The following SEMA3A variants were observed in gnomAD, a reference collection of about 807,000 sequenced individuals.
The protein encoded by SEMA3A is semaphorin 3A.
SEMA3A carries 29 observed loss-of-function variants against 97.9 expected under a neutral mutation model. That is an observed-to-expected ratio of 0.30 (90% CI 0.22 to 0.40). The LOEUF is 0.40. Among genes scored for constraint, SEMA3A ranks in the 10% least tolerant of loss-of-function variants. The pLI, the probability that SEMA3A is intolerant of heterozygous loss-of-function variation, is 1.00. For synonymous variants in SEMA3A, 321 were observed against 323.7 expected, an observed-to-expected ratio of 0.99 and a Z score of 0.09; for missense variants, 763 against 951.3, an observed-to-expected ratio of 0.80 and a Z score of 2.60.
At chr7:84,364,470 T>C (rs1802799145) in intron 2 of SEMA3A, among the ~76,000 whole-genome samples, 1 of 151,788 alleles carries the variant, frequency 6.6e-6, no homozygotes, top group African/African-American at 2.4e-5. Flanking sequence ...GCTGTATTTA[T>C]TTATTTTTTT....
chr7:84,466,685 C>G (rs988383368), intron 1 of SEMA3A, among the ~76,000 whole-genome samples: 22 of 152,128 alleles, frequency 1.4e-4, no homozygotes, highest in African/African-American at 5.1e-4. Context: ...CTCCCATATG[C>G]CTGCACAGGC....
intron 4 of SEMA3A, among the ~76,000 whole-genome samples, chr7:84,085,578 A>G (rs1463604004): frequency 1.3e-5 from 2 of 152,046 alleles, no homozygotes; most frequent in Non-Finnish European, 2.9e-5. Flanking sequence ...TAAAATGTTT[A>G]TTTTTTTGCA....
intron 1 of SEMA3A, among the ~76,000 whole-genome samples, chr7:84,413,913 C>G (rs1201872098): frequency 2.0e-5 from 3 of 151,894 alleles, no homozygotes; most frequent in African/African-American, 7.3e-5. Flanking sequence ...TCAATTAATC[C>G]TCAAAGCAGT....
intron 1 of SEMA3A, among the ~76,000 whole-genome samples, chr7:84,451,448 G>A (rs1805551360): frequency 6.6e-6 from 1 of 152,082 alleles, no homozygotes; most frequent in Admixed American, 6.5e-5. Flanking sequence ...GATTAAAGAT[G>A]TTTATAGCCC....
At chr7:83,997,777 T>C (rs1639559) in intron 12 of SEMA3A, among the ~76,000 whole-genome samples, 116,961 of 150,546 alleles carry the variant, frequency 0.78, 45,624 homozygotes, top group East Asian at 0.89. Context: ...GTCTCCATCA[T>C]CAGGGCTGGA....
At chr7:84,231,601 A>G (rs1799117814) in intron 3 of SEMA3A, among the ~76,000 whole-genome samples, 1 of 152,022 alleles carries the variant, frequency 6.6e-6, no homozygotes, top group African/African-American at 2.4e-5. Context: ...CAGTTAAAAT[A>G]GAGCACCAGA....
chr7:84,044,536 G>C (rs1792272154), intron 6 of SEMA3A, among the ~76,000 whole-genome samples: 2 of 152,030 alleles, frequency 1.3e-5, no homozygotes, highest in Non-Finnish European at 2.9e-5. Flanking sequence ...GAAGCTAAGA[G>C]AAGAGATTGA....
chr7:84,256,004 T>G (rs1172001637), intron 3 of SEMA3A, among the ~76,000 whole-genome samples: 1 of 152,054 alleles, frequency 6.6e-6, no homozygotes, highest in Non-Finnish European at 1.5e-5. Context: ...CATCTGGAGT[T>G]TTCTGAAGAC....
intron 1 of SEMA3A, among the ~76,000 whole-genome samples, chr7:84,146,406 G>T (rs1039296391): frequency 1.3e-5 from 2 of 152,068 alleles, no homozygotes; most frequent in African/African-American, 4.8e-5. Context: ...CTCCACATTC[G>T]ATGCTCTTTC....
At chr7:84,357,583 C>T (rs1051770759) in intron 2 of SEMA3A, among the ~76,000 whole-genome samples, 8 of 152,062 alleles carry the variant, frequency 5.3e-5, no homozygotes, top group African/African-American at 1.9e-4. Context: ...GTGAATAGTG[C>T]CGCAATAAAC....
At chr7:84,463,237 CTTTTTTTTTTT>C (rs59465422) in intron 1 of SEMA3A, among the ~76,000 whole-genome samples, 1,593 of 71,388 alleles carry the variant, frequency 0.022, 60 homozygotes, top group African/African-American at 0.082. Flanking sequence ...TGTAACTATT[CTTTTTTTTTTT>C]TTTTTTTTTT....
At chr7:83,979,420 C>T (rs557722798) in intron 14 of SEMA3A, among the ~76,000 whole-genome samples, 4 of 152,282 alleles carry the variant, frequency 2.6e-5, no homozygotes, top group South Asian at 2.1e-4. Flanking sequence ...GTGTGAGCCA[C>T]GGTGTCGGGC....
At chr7:84,176,170 T>C (rs1797560093) in intron 1 of SEMA3A, among the ~76,000 whole-genome samples, 1 of 152,180 alleles carries the variant, frequency 6.6e-6, no homozygotes, top group South Asian at 2.1e-4. Flanking sequence ...AGTTCTCCCA[T>C]TTCAGTTGAC....
chr7:84,114,857 G>T (rs572718393), intron 3 of SEMA3A, among the ~76,000 whole-genome samples: 9 of 151,978 alleles, frequency 5.9e-5, no homozygotes, highest in Admixed American at 3.3e-4. Flanking sequence ...CACTAAAGGA[G>T]GTTAGAAATC....
rs932163066 is a variant in SEMA3A, at chr7:83,958,320, C to G, written c.*3051G>C. ...CCTTAACACCATATGTTATAGGGAA[C>G]AGTAAAGACATCTGAATTCAAATAT... On this transcript the variant is annotated 3_prime_UTR_variant, in exon 17 of 17. Coordinates refer to ENST00000265362, the MANE Select transcript of SEMA3A (RefSeq NM_006080.3). The G allele has an allele frequency of 6.6e-6, 1 of 152,394 alleles. No homozygotes were observed. Among genetic ancestry groups the G allele is most frequent in the African/African-American group, 2.4e-5 (1 of 41,398 alleles). The allele number at this position is 152,394 out of a possible 1,614,324, so 9.4% of individuals were successfully genotyped here.
At chr7:84,123,062 T>C (rs1795676745) in intron 3 of SEMA3A, among the ~76,000 whole-genome samples, 1 of 152,180 alleles carries the variant, frequency 6.6e-6, no homozygotes, top group African/African-American at 2.4e-5. Flanking sequence ...GGTTGCCATT[T>C]GGTTTTACTG....
chr7:84,000,209 T>TAACTTCTAAGATAAAGTACC (rs1181903065), intron 12 of SEMA3A, among the ~76,000 whole-genome samples: 18 of 152,122 alleles, frequency 1.2e-4, no homozygotes, highest in African/African-American at 4.3e-4. Flanking sequence ...TTGTTGTTTT[T>TAACTTCTAAGATAAAGTACC]AACTTCTAAG....
intron 2 of SEMA3A, among the ~76,000 whole-genome samples, chr7:84,358,154 G>T (rs1324855790): frequency 6.6e-6 from 1 of 152,146 alleles, no homozygotes; most frequent in African/African-American, 2.4e-5. Context: ...GATCCCATTT[G>T]TCAATTTTGG....
intron 1 of SEMA3A, among the ~76,000 whole-genome samples, chr7:84,165,312 A>T (rs189066122): frequency 1.8e-3 from 273 of 152,338 alleles, no homozygotes; most frequent in Middle Eastern, 6.8e-3. Flanking sequence ...AAGTAGACTA[A>T]TATTTTGAAA....
Sources: gnomAD v4.1 joint callset for allele counts (sites outside exome capture counted in the v4.1 genomes callset) on GRCh38, gnomAD v4.1.1 for gene constraint, MANE v1.5 for transcripts, NCBI Gene and HGNC (gene_info 2026-07-23, HGNC 2026-07-21) for gene names.